DNAAF11: variants seen among roughly 807,000 people sequenced by gnomAD.
The protein encoded by DNAAF11 is leucine rich repeat containing 6.
In DNAAF11, 45 loss-of-function variants were observed where a neutral mutation model predicts 60.8. The ratio of observed to expected loss-of-function variants is 0.74; its 90% CI spans 0.58 to 0.95. The LOEUF is 0.95. Among genes scored for constraint, DNAAF11 ranks in the 40% least tolerant of loss-of-function variants. The pLI is 0.00. For missense variants in DNAAF11, 546 were observed against 546.2 expected (o/e 1.00, Z 0.00); for synonymous variants, 191 against 183.5 (o/e 1.04, Z -0.33).
At chr8:132,674,781 A>G (rs1395284729) in intron 1 of DNAAF11, among the ~76,000 whole-genome samples, 6 of 152,182 alleles carry the variant, frequency 3.9e-5, no homozygotes, top group Admixed American at 3.9e-4. Context: ...CCAGCTACTC[A>G]GGTGGCTGAG....
the DNAAF11 span, among the ~76,000 whole-genome samples, chr8:132,693,957 T>C: frequency 6.6e-6 from 1 of 152,106 alleles, no homozygotes; most frequent in African/African-American, 2.4e-5. Context: ...TGGGAGCAAT[T>C]GGAAGATTTG....
intron 3 of DNAAF11, among the ~76,000 whole-genome samples, chr8:132,649,273 T>G (rs920762416): frequency 6.6e-6 from 1 of 152,182 alleles, no homozygotes; most frequent in Non-Finnish European, 1.5e-5. Flanking sequence ...GGGGAAAGGA[T>G]TCCCTGTTTA....
In DNAAF11 at chr8:132,615,114, T is replaced by C; in HGVS notation, c.915-17A>G. The C allele has an allele frequency of 1.9e-6, 3 of 1,565,086 alleles. No homozygotes were observed. The highest frequency in any genetic ancestry group is 2.6e-6 in the Non-Finnish European group (3 of 1,137,752). On this transcript the variant is annotated splice_polypyrimidine_tract_variant and intron_variant, in intron 7 of 11. Transcript: ENST00000620350. ...AAGTCAATTCTAAGAATAACACATT[T>C]GGTGGGAAAAAAGAGATGTCTTTAG...
chr8:132,696,197 A>C, the DNAAF11 span, among the ~76,000 whole-genome samples: 1 of 152,190 alleles, frequency 6.6e-6, no homozygotes, highest in African/African-American at 2.4e-5. Context: ...AAGATAATCA[A>C]CATCATTATC....
intron 5 of DNAAF11, among the ~76,000 whole-genome samples, chr8:132,629,379 G>A (rs902126879): frequency 5.0e-5 from 7 of 140,748 alleles, no homozygotes; most frequent in South Asian, 2.2e-4. Context: ...ACGGAGTCTC[G>A]CCCTGTTGCC....
chr8:132,686,020 A>G, the DNAAF11 span, among the ~76,000 whole-genome samples: 1 of 152,208 alleles, frequency 6.6e-6, no homozygotes, highest in African/African-American at 2.4e-5. Flanking sequence ...GAGTGAACAT[A>G]CAATGAACGA....
At chr8:132,632,433 G>A (rs530913965) in intron 5 of DNAAF11, among the ~76,000 whole-genome samples, 1 of 152,192 alleles carries the variant, frequency 6.6e-6, no homozygotes, top group South Asian at 2.1e-4. Context: ...AATATTCCTA[G>A]TTCGTAAATC....
chr8:132,699,374 A>C, the DNAAF11 span, among the ~76,000 whole-genome samples: 3 of 152,238 alleles, frequency 2.0e-5, no homozygotes, highest in African/African-American at 7.2e-5. Flanking sequence ...TAAGAACAGA[A>C]AGGGGAGCAG....
chr8:132,622,517 T>A, intron 7 of DNAAF11, 94 bp downstream of exon 7: 1 of 904,340 alleles, frequency 1.1e-6, no homozygotes. Context: ...TCAGAAATAT[T>A]CTTTGCAGAG....
At chr8:132,585,535 C>A (rs1250969251) in intron 10 of DNAAF11, among the ~76,000 whole-genome samples, 2 of 152,000 alleles carry the variant, frequency 1.3e-5, no homozygotes, top group Non-Finnish European at 2.9e-5. Context: ...TGCTGAAGCT[C>A]CAGAAGAAAA....
chr8:132,622,798 A>G (rs1373442784), intron 6 of DNAAF11, 110 bp from the exon 7 acceptor site: 1 of 775,644 alleles, frequency 1.3e-6, no homozygotes, highest in Non-Finnish European at 2.2e-6. Context: ...AAAAAAATTA[A>G]TTGGACTTTT....
chr8:132,655,775 A>G (rs768121782), intron 3 of DNAAF11, among the ~76,000 whole-genome samples: 1 of 152,214 alleles, frequency 6.6e-6, no homozygotes, highest in Non-Finnish European at 1.5e-5. Flanking sequence ...ATAACATACC[A>G]CTTCACACCT....
In DNAAF11 at chr8:132,572,058, G is replaced by T; in HGVS notation, c.*248C>A. On this transcript the variant is annotated 3_prime_UTR_variant, in exon 12 of 12. Coordinates refer to ENST00000620350, the MANE Select transcript of DNAAF11 (RefSeq NM_012472.6). ...TCAGTGTTTTATGCAATAGTTCTAT[G>T]ATCTTACTAAACATTTTCAATACCA... 2 of 363,802 alleles carry T rather than the reference G, an allele frequency of 5.5e-6. No homozygotes were observed. Among genetic ancestry groups the T allele is most frequent in the Non-Finnish European group, 9.8e-6 (2 of 204,108 alleles). The allele number at this position is 363,802 out of a possible 1,614,324, so 22.5% of individuals were successfully genotyped here.
At chr8:132,618,677 G>C (rs1432531664) in intron 7 of DNAAF11, among the ~76,000 whole-genome samples, 1 of 149,488 alleles carries the variant, frequency 6.7e-6, no homozygotes, top group Non-Finnish European at 1.5e-5. Context: ...CATTTATGCA[G>C]CCAAAAAACA....
intron 3 of DNAAF11, among the ~76,000 whole-genome samples, chr8:132,643,880 C>T (rs1285154415): frequency 6.6e-6 from 1 of 152,070 alleles, no homozygotes; most frequent in South Asian, 2.1e-4. Flanking sequence ...GCACTGTGAC[C>T]TTTTGAACTA....
At chr8:132,654,079 C>A (rs965531471) in intron 3 of DNAAF11, among the ~76,000 whole-genome samples, 11 of 151,846 alleles carry the variant, frequency 7.2e-5, no homozygotes, top group African/African-American at 2.2e-4. Flanking sequence ...AAAAGTTATA[C>A]CATACAAATG....
chr8:132,691,998 A>G, the DNAAF11 span, among the ~76,000 whole-genome samples: 12 of 152,298 alleles, frequency 7.9e-5, 1 homozygote, highest in South Asian at 2.5e-3. Context: ...AAACAAACCC[A>G]TGGTCTAAGT....
intron 5 of DNAAF11, 63 bp downstream of exon 5, chr8:132,632,677 A>G: frequency 8.9e-7 from 1 of 1,124,886 alleles, no homozygotes; most frequent in South Asian, 1.3e-5. Context: ...CAACTTGGAA[A>G]GAGAATACAG....
intron 3 of DNAAF11, among the ~76,000 whole-genome samples, chr8:132,653,929 G>A (rs1233336635): frequency 6.6e-6 from 1 of 152,118 alleles, no homozygotes; most frequent in Non-Finnish European, 1.5e-5. Context: ...TACATTAGGT[G>A]TAAATGGGTT....
Sources: allele counts gnomAD v4.1 joint callset (sites outside exome capture counted in the v4.1 genomes callset), GRCh38; gene constraint gnomAD v4.1.1; transcripts MANE v1.5; gene names NCBI Gene and HGNC (gene_info 2026-07-23, HGNC 2026-07-21).